Variants in CD22 observed in about 807,000 individuals in gnomAD.
CD22 encodes the protein B-cell receptor CD22.
Under a neutral mutation model 94.7 loss-of-function variants are expected in CD22, and 51 were observed. That is an observed-to-expected ratio of 0.54 (90% CI 0.43 to 0.68). The LOEUF is 0.68. Among genes scored for constraint, CD22 ranks in the 30% least tolerant of loss-of-function variants. The pLI, the probability that CD22 is intolerant of heterozygous loss-of-function variation, is 0.00. For missense variants in CD22, 931 were observed against 1,060.4 expected, an observed-to-expected ratio of 0.88 and a Z score of 1.69; for synonymous variants, 424 against 422.5, an observed-to-expected ratio of 1.00 and a Z score of -0.04.
intron 1 of CD22, chr19:35,331,575 G>A (rs186233761): frequency 1.8e-5 from 3 of 163,792 alleles, no homozygotes; most frequent in Admixed American, 6.0e-5. Context: ...CCGGCCAGGA[G>A]TGGTGGCTCA....
At chr19:35,343,790 AAG>A (rs1269016029) in intron 9 of CD22, among the ~76,000 whole-genome samples, 2 of 152,310 alleles carry the variant, frequency 1.3e-5, no homozygotes. Context: ...AACAACAAAA[AAG>A]AGTCTGAAAG....
intron 9 of CD22, among the ~76,000 whole-genome samples, chr19:35,343,125 G>A (rs865796910): frequency 2.7e-5 from 4 of 148,558 alleles, no homozygotes; most frequent in Non-Finnish European, 5.9e-5. Flanking sequence ...TTTGAGACAG[G>A]GTCTCACCCT....
intron 9 of CD22, among the ~76,000 whole-genome samples, chr19:35,342,911 C>T (rs934886109): frequency 7.9e-5 from 12 of 151,936 alleles, no homozygotes; most frequent in Non-Finnish European, 1.3e-4. Flanking sequence ...CCCGGGTTCA[C>T]GCCATTCTCC....
At chr19:35,343,136 G>A (rs2066844316) in intron 9 of CD22, among the ~76,000 whole-genome samples, 1 of 145,638 alleles carries the variant, frequency 6.9e-6, no homozygotes, top group Non-Finnish European at 1.5e-5. Flanking sequence ...GTCTCACCCT[G>A]TTGCACAGGT....
intron 9 of CD22, among the ~76,000 whole-genome samples, chr19:35,342,803 T>C (rs764763245): frequency 6.6e-6 from 1 of 151,992 alleles, no homozygotes; most frequent in South Asian, 2.1e-4. Context: ...TGTTTTTATC[T>C]TTTAAAACGT....
intron 3 of CD22, 79 bp from the exon 4 acceptor site, chr19:35,335,957 G>T: frequency 8.2e-7 from 1 of 1,219,248 alleles, no homozygotes; most frequent in South Asian, 1.4e-5. Flanking sequence ...GGGGTGATTT[G>T]GGACAGGACA....
At chr19:35,330,329 ACT>A (rs368287830) in intron 1 of CD22, among the ~76,000 whole-genome samples, 12 of 151,862 alleles carry the variant, frequency 7.9e-5, no homozygotes, top group African/African-American at 2.4e-4. Context: ...GAAGAATGAG[ACT>A]CTGTCTCAAA....
intron 3 of CD22, 111 bp from the exon 4 acceptor site, chr19:35,335,925 T>G (rs1228044130): frequency 1.2e-5 from 10 of 806,020 alleles, no homozygotes; most frequent in East Asian, 7.3e-5. Context: ...AGAGGTGGAA[T>G]GAAGTGGCAA....
At chr19:35,331,891 C>G in intron 1 of CD22, 128 bp from the exon 2 acceptor site, 4 of 1,552,014 alleles carry the variant, frequency 2.6e-6, no homozygotes, top group Non-Finnish European at 3.5e-6. Context: ...TGCCACATCC[C>G]CATAATGCAA....
At chr19:35,331,340 G>A (rs542902087) in intron 1 of CD22, among the ~76,000 whole-genome samples, 16 of 152,162 alleles carry the variant, frequency 1.1e-4, no homozygotes, top group South Asian at 6.2e-4. Context: ...AGAGCTCCAC[G>A]TTACCCGGGG....
chr19:35,345,477 TG>T (rs1330276694), intron 11 of CD22, 124 bp from the exon 12 acceptor site: 1 of 505,164 alleles, frequency 2.0e-6, no homozygotes, highest in Admixed American at 3.3e-5. Context: ...TGAAGCTGAG[TG>T]GGGAAACAAG....
At position 35,336,342 on chromosome 19, in the gene CD22, G is replaced by C; in HGVS notation, c.718+1G>C. The C allele has an allele frequency of 6.2e-7, 1 of 1,613,378 alleles. No homozygotes were observed. The highest frequency in any genetic ancestry group is 8.5e-7 in the Non-Finnish European group (1 of 1,179,396). On this transcript the variant is annotated splice_donor_variant, in intron 4 of 13. Transcript: ENST00000085219. LOFTEE classifies it high-confidence loss of function. The stretch of plus-strand genomic sequence containing the variant: ...GACACGGTGCAGCTGAACGTGAAGC[G>C]TGAGTCTCCCCGGCATGCCTGTGGG...
chr19:35,333,006 T>C, intron 3 of CD22, 82 bp downstream of exon 3: 1 of 1,467,822 alleles, frequency 6.8e-7, no homozygotes, highest in Non-Finnish European at 9.2e-7. Flanking sequence ...GGCACAGAGC[T>C]CACAAACCGA....
chr19:35,341,793 C>G lies in CD22; in HGVS notation c.1863C>G (p.Asn621Lys), dbSNP rs760751706. Residue 621 changes from asparagine (N) to lysine (K), a missense_variant, in exon 9 of 14, where the codon AAC becomes AAG. Coordinates refer to ENST00000085219, the MANE Select transcript of CD22 (RefSeq NM_001771.4). The surrounding 1 kb of genome is among the most constrained non-coding windows in gnomAD (Gnocchi z 4.0). Reference protein sequence around the residue: ...SATLTCESDANPPVSHYTWFD... With the variant: ...SATLTCESDAKPPVSHYTWFD... ...CCCTGACCTGTGAGAGCGACGCCAA[C>G]CCTCCCGTCTCCCACTACACCTGGT... The G allele has an allele frequency of 3.7e-6, 6 of 1,613,690 alleles. No homozygotes were observed. The highest frequency in any genetic ancestry group is 5.1e-6 in the Non-Finnish European group (6 of 1,180,008).
chr19:35,334,365 T>TA (rs2066688094), intron 3 of CD22, among the ~76,000 whole-genome samples: 2 of 151,914 alleles, frequency 1.3e-5, no homozygotes, highest in Admixed American at 1.3e-4. Context: ...CAAATGTAAC[T>TA]AATCATGCAT....
intron 9 of CD22, among the ~76,000 whole-genome samples, chr19:35,343,329 T>C (rs1309050828): frequency 3.3e-5 from 5 of 152,096 alleles, no homozygotes; most frequent in Non-Finnish European, 7.4e-5. Flanking sequence ...CGCGGCTCAC[T>C]CTTGATCCCT....
At chr19:35,344,642 CTTAT>C in intron 9 of CD22, 183 bp from the exon 10 acceptor site, 1 of 605,248 alleles carries the variant, frequency 1.7e-6, no homozygotes, top group Non-Finnish European at 2.9e-6. Context: ...GAATTAGTGC[CTTAT>C]TCCTAAAGGG....
rs776418032 is a variant in CD22, at chr19:35,337,532, C to T, written c.719-223C>T. On this transcript the variant is annotated intron_variant, in intron 4 of 13. Coordinates refer to ENST00000085219, the MANE Select transcript of CD22 (RefSeq NM_001771.4). The surrounding 1 kb of genome is among the most constrained non-coding windows in gnomAD (Gnocchi z 4.4). The stretch of plus-strand genomic sequence containing the variant: ...CGCTCGTGGTTTCCAGCAGGATTGG[C>T]GAGGTCTGGTAGATGGTGTTAGGAA... 5.3e-5 allele frequency among the ~76,000 whole-genome samples: 8 copies of T among 151,996 alleles called. No homozygotes were observed. Among genetic ancestry groups the T allele is most frequent in the African/African-American group, 1.9e-4 (8 of 41,348 alleles).
intron 1 of CD22, among the ~76,000 whole-genome samples, chr19:35,330,404 A>G (rs547717216): frequency 6.6e-6 from 1 of 152,278 alleles, no homozygotes; most frequent in South Asian, 2.1e-4. Flanking sequence ...TGTGACCTTG[A>G]AGATGTTTTT....
Sources: allele counts gnomAD v4.1 joint callset (sites outside exome capture counted in the v4.1 genomes callset), GRCh38; gene constraint gnomAD v4.1.1; non-coding constraint Gnocchi (gnomAD v3.1); transcripts MANE v1.5; gene names NCBI Gene and HGNC (gene_info 2026-07-23, HGNC 2026-07-21).